Variants in CCSER1 observed in about 807,000 individuals in gnomAD.
CCSER1 encodes serine-rich coiled-coil domain-containing protein 1.
CCSER1 carries 41 observed loss-of-function variants against 82.0 expected under a neutral mutation model. The observed-to-expected ratio is 0.50, with a 90% CI of 0.39 to 0.65. The LOEUF is 0.65. Ranked by LOEUF, CCSER1 falls within the 30% of genes least tolerant of loss-of-function variation. The probability of loss-of-function intolerance (pLI) is 0.00; values close to 1 mark genes in which losing one functional copy is unlikely to be tolerated. For synonymous variants in CCSER1, 414 were observed against 383.9 expected (o/e 1.08, Z -0.92); for missense variants, 1,119 against 1,064.2 (o/e 1.05, Z -0.72).
rs533565285 is a variant in CCSER1, at chr4:90,746,841, T to C, written c.2010+22850T>C. 3.3e-5 allele frequency among the ~76,000 whole-genome samples: 5 copies of C among 152,354 alleles called. No individual in the cohort carries two copies. The South Asian group carries it at 8.3e-4, about 25-fold the overall frequency. ...ATTGTCTTACTTTACAGATAAGGAATTTGAAGCTTAGAATAGTTAAGTATC... is the reference window on the plus strand; with the variant it reads ...ATTGTCTTACTTTACAGATAAGGAACTTGAAGCTTAGAATAGTTAAGTATC... On this transcript the variant is annotated intron_variant, in intron 7 of 10. Transcript: ENST00000509176.
intron 8 of CCSER1, among the ~76,000 whole-genome samples, chr4:90,842,891 T>TG (rs1762745820): frequency 1.3e-5 from 2 of 150,088 alleles, no homozygotes; most frequent in African/African-American, 4.9e-5. Flanking sequence ...AAATTTACAG[T>TG]TTTTATCATG....
chr4:90,230,461 C>T (rs551535917), intron 1 of CCSER1, among the ~76,000 whole-genome samples: 2,388 of 151,300 alleles, frequency 0.016, 35 homozygotes, highest in African/African-American at 0.041. Context: ...CTCTGGGATG[C>T]ATTCAAAGCA....
intron 4 of CCSER1, among the ~76,000 whole-genome samples, chr4:90,448,110 T>C (rs928038048): frequency 4.6e-5 from 7 of 152,114 alleles, no homozygotes; most frequent in Non-Finnish European, 1.0e-4. Context: ...TATTCTAATA[T>C]ATCAAGCACC....
intron 7 of CCSER1, among the ~76,000 whole-genome samples, chr4:90,805,971 G>T (rs1324145731): frequency 6.6e-6 from 1 of 152,060 alleles, no homozygotes; most frequent in East Asian, 1.9e-4. Flanking sequence ...ATGGGTTATT[G>T]CTATCAACCC....
chr4:90,848,104 C>T (rs529907167), intron 8 of CCSER1, among the ~76,000 whole-genome samples: 21 of 152,246 alleles, frequency 1.4e-4, no homozygotes, highest in South Asian at 4.1e-4. Context: ...TACACAATCA[C>T]TTTTAATTAA....
At chr4:90,893,991 T>A (rs1472264910) in intron 8 of CCSER1, among the ~76,000 whole-genome samples, 2 of 151,982 alleles carry the variant, frequency 1.3e-5, no homozygotes, top group Non-Finnish European at 2.9e-5. Flanking sequence ...TATGTTTAAC[T>A]TACAATAAAA....
At chr4:90,518,515 A>G (rs894851788) in intron 5 of CCSER1, among the ~76,000 whole-genome samples, 1 of 152,062 alleles carries the variant, frequency 6.6e-6, no homozygotes, top group Non-Finnish European at 1.5e-5. Flanking sequence ...ATGAACTCAA[A>G]TAAGTGTCCA....
intron 10 of CCSER1, among the ~76,000 whole-genome samples, chr4:91,151,457 G>A (rs1434659191): frequency 6.6e-6 from 1 of 152,026 alleles, no homozygotes. Context: ...GGTTTCTTGT[G>A]TCTCTATTTC....
chr4:91,067,856 G>A (rs1424315590), intron 9 of CCSER1, among the ~76,000 whole-genome samples: 1 of 152,140 alleles, frequency 6.6e-6, no homozygotes, highest in East Asian at 1.9e-4. Flanking sequence ...CTAAGCAGTG[G>A]TCAGATTGCT....
At chr4:90,920,390 C>T (rs1386165746) in intron 8 of CCSER1, among the ~76,000 whole-genome samples, 1 of 151,930 alleles carries the variant, frequency 6.6e-6, no homozygotes, top group Non-Finnish European at 1.5e-5. Flanking sequence ...ACTTGAGTTA[C>T]CACTCTAATC....
chr4:90,293,993 C>T (rs915872912), intron 1 of CCSER1, among the ~76,000 whole-genome samples: 3 of 151,856 alleles, frequency 2.0e-5, no homozygotes, highest in Admixed American at 2.0e-4. Flanking sequence ...TTGTGAAAAA[C>T]CTGGAGTGAA....
At chr4:90,596,521 A>G (rs986851790) in intron 5 of CCSER1, among the ~76,000 whole-genome samples, 1 of 151,890 alleles carries the variant, frequency 6.6e-6, no homozygotes, top group Non-Finnish European at 1.5e-5. Context: ...TCATGAGTCA[A>G]CTTGATTTTT....
chr4:90,770,074 C>T (rs1202013823), intron 7 of CCSER1, among the ~76,000 whole-genome samples: 1 of 152,100 alleles, frequency 6.6e-6, no homozygotes, highest in East Asian at 1.9e-4. Context: ...CCTTGGATCC[C>T]TTGTCCTGGG....
chr4:91,197,552 A>G (rs1340582596), intron 10 of CCSER1, among the ~76,000 whole-genome samples: 2 of 152,220 alleles, frequency 1.3e-5, no homozygotes, highest in Non-Finnish European at 2.9e-5. Context: ...GAAGTAGTGT[A>G]AAAATTTTTG....
chr4:91,177,662 G>T (rs1733543143), intron 10 of CCSER1, among the ~76,000 whole-genome samples: 1 of 152,124 alleles, frequency 6.6e-6, no homozygotes, highest in Non-Finnish European at 1.5e-5. Context: ...GATCAGTGGT[G>T]ATATCCCCTT....
chr4:90,547,291 T>A (rs1275181415), intron 5 of CCSER1, among the ~76,000 whole-genome samples: 2 of 152,034 alleles, frequency 1.3e-5, no homozygotes, highest in African/African-American at 2.4e-5. Flanking sequence ...AAGATTTTTT[T>A]AATCTTTATA....
At chr4:90,696,406 T>TTAA (rs891171810) in intron 6 of CCSER1, among the ~76,000 whole-genome samples, 3 of 152,158 alleles carry the variant, frequency 2.0e-5, no homozygotes, top group African/African-American at 7.2e-5. Flanking sequence ...TAATTTTTTT[T>TTAA]TAATGCCATG....
intron 1 of CCSER1, among the ~76,000 whole-genome samples, chr4:90,243,168 A>T (rs1720714568): frequency 6.6e-6 from 1 of 150,900 alleles, no homozygotes; most frequent in Non-Finnish European, 1.5e-5. Context: ...GGCTGAAGTA[A>T]TCCTTCTGCC....
intron 1 of CCSER1, among the ~76,000 whole-genome samples, chr4:90,167,256 A>G (rs1290413339): frequency 1.3e-5 from 2 of 152,112 alleles, no homozygotes; most frequent in African/African-American, 4.8e-5. Flanking sequence ...CATCCTAAAT[A>G]TATTTTTCAT....
Sources: gnomAD v4.1 joint callset for allele counts (sites outside exome capture counted in the v4.1 genomes callset) on GRCh38, gnomAD v4.1.1 for gene constraint, MANE v1.5 for transcripts, NCBI Gene and HGNC (gene_info 2026-07-23, HGNC 2026-07-21) for gene names.